The following ZNF155 variants were observed in gnomAD, a reference collection of about 807,000 sequenced individuals.
ZNF155 encodes KRAB A domain.
A neutral mutation model predicts 11.9 loss-of-function variants in ZNF155; 15 were observed. The ratio of observed to expected loss-of-function variants is 1.26; its 90% CI spans 0.84 to 1.94. ZNF155 has a LOEUF of 1.94. Among genes scored for constraint, ZNF155 ranks in the 30% most tolerant of loss-of-function variants. The pLI is 0.00. For missense variants in ZNF155, 602 were observed against 639.1 expected, an observed-to-expected ratio of 0.94 and a Z score of 0.63; for synonymous variants, 212 against 219.9, an observed-to-expected ratio of 0.96 and a Z score of 0.32.
At chr19:43,995,589 G>A (rs1309341668) in intron 4 of ZNF155, among the ~76,000 whole-genome samples, 1 of 151,882 alleles carries the variant, frequency 6.6e-6, no homozygotes, top group African/African-American at 2.4e-5. Flanking sequence ...TTGCTATATT[G>A]CCCAGGCTGG....
Position 43,996,272 on chromosome 19 carries a change from C to T in ZNF155, c.415C>T (p.Pro139Ser). 6.2e-7 allele frequency: 1 copy of T among 1,614,128 alleles called. No individual in the cohort carries two copies. The highest frequency in any genetic ancestry group is 8.5e-7 in the Non-Finnish European group (1 of 1,180,002). The change falls in exon 5 of 5, where the codon CCC (proline) becomes TCC (serine). Residue 139 changes from proline (P) to serine (S), a missense_variant. Physicochemically the swap from Pro to Ser is moderately conservative, Grantham distance 74 (BLOSUM62 -1). Transcript: ENST00000270014. ...DVPSQVEAGL[P>S]TIHTGQKPSQ... is the part of the protein sequence containing the mutation. Reference sequence around the variant, plus strand: ...CCCCTCCCAGGTTGAAGCAGGACTACCCACAATTCATACAGGACAGAAACC... The same window carrying T: ...CCCCTCCCAGGTTGAAGCAGGACTATCCACAATTCATACAGGACAGAAACC...
intron 2 of ZNF155, among the ~76,000 whole-genome samples, chr19:43,989,519 C>T (rs1020676922): frequency 9.2e-5 from 14 of 152,234 alleles, no homozygotes; most frequent in Middle Eastern, 3.4e-3. Flanking sequence ...GTTAGCCATT[C>T]GGCTCAGGTG....
chr19:43,987,937 C>T (rs910687747), intron 1 of ZNF155, among the ~76,000 whole-genome samples: 8 of 152,132 alleles, frequency 5.3e-5, no homozygotes, highest in South Asian at 2.1e-4. Flanking sequence ...CATCATGATT[C>T]AGTTTAGACC....
rs965809220 is a variant in ZNF155 at position 43,998,095 on chromosome 19, G to T, written c.*621G>T. On this transcript the variant is annotated 3_prime_UTR_variant, in exon 5 of 5. Coordinates refer to ENST00000270014, the MANE Select transcript of ZNF155 (RefSeq NM_198089.3). ...CTCCTGATTGGTCCCGGGCCAAGCT[G>T]AATAGCCCTTATGAATCATCACTTC... 3.4e-5 allele frequency: 5 copies of T among 145,312 alleles called. No individual in the cohort carries two copies. Among genetic ancestry groups the T allele is most frequent in the Middle Eastern group, 3.3e-3 (1 of 302 alleles). 9.0% of individuals were successfully genotyped at this position (145,312 alleles called of 1,614,324 possible). A position where few individuals can be genotyped will look rare whatever the true frequency, so the allele number is the denominator to read the frequency against.
Position 43,991,849 on chromosome 19 carries a change from A to T in ZNF155, c.150A>T (p.Gln50His), listed in dbSNP as rs574505884. ...NFRNLLSVGH[Q>H]PFHQDTCHFL... ...GACCTTACCTATTCACAGGGCATCAACCGTTCCACCAAGATACTTGCCACT... is the reference window on the plus strand; with the variant it reads ...GACCTTACCTATTCACAGGGCATCATCCGTTCCACCAAGATACTTGCCACT... Residue 50 changes from glutamine to histidine, a missense_variant, in exon 4 of 5, where the codon CAA becomes CAT. Coordinates refer to ENST00000270014, the MANE Select transcript of ZNF155 (RefSeq NM_198089.3). The T allele has an allele frequency of 2.2e-5, 36 of 1,613,784 alleles. No homozygotes were observed. Among genetic ancestry groups the T allele is most frequent in the South Asian group, 2.2e-4 (20 of 91,044 alleles).
At position 43,988,548 on chromosome 19, in the gene ZNF155, C is replaced by T. The variant is rs756417379; in HGVS notation, c.5C>T (p.Thr2Ile). The part of the protein sequence containing the change: M[T>I]TFKEAVTFKD... ...TTCCCCAAAGTAGGAGGAAAAATGA[C>T]CACATTCAAGGTGAGGGGGGCGTGC... The change falls in exon 2 of 5, where the codon ACC becomes ATC. Residue 2 changes from threonine to isoleucine, a missense_variant. Thr to Ile is a moderately conservative substitution (Grantham distance 89, BLOSUM62 -1). Coordinates refer to ENST00000270014, the MANE Select transcript of ZNF155 (RefSeq NM_198089.3). 4.4e-6 allele frequency: 7 copies of T among 1,605,208 alleles called. No individual in the cohort carries two copies. The Admixed American group carries it at 8.4e-5, about 19-fold the overall frequency.
chr19:43,985,228 T>G (rs944242292), intron 1 of ZNF155, among the ~76,000 whole-genome samples: 2 of 151,712 alleles, frequency 1.3e-5, no homozygotes, highest in Non-Finnish European at 2.9e-5. Context: ...GCCCGGCTAA[T>G]TTTTGTATTT....
chr19:43,987,197 CAT>C (rs1334687281), intron 1 of ZNF155, among the ~76,000 whole-genome samples: 3 of 152,178 alleles, frequency 2.0e-5, no homozygotes, highest in East Asian at 1.9e-4. Flanking sequence ...CATGTTATCT[CAT>C]ATGTGGTTCC....
chr19:43,997,973 T>A lies in ZNF155; in HGVS notation c.*499T>A, dbSNP rs1396959055. 1 of 153,600 alleles carries A rather than the reference T, an allele frequency of 6.5e-6. No homozygotes were observed. The highest frequency in any genetic ancestry group is 1.4e-5 in the Non-Finnish European group (1 of 69,124). The allele number at this position is 153,600 out of a possible 1,614,324, so 9.5% of individuals were successfully genotyped here. On this transcript the variant is annotated 3_prime_UTR_variant, in exon 5 of 5. Transcript: ENST00000270014. ...AGTAGGTTCAGGTTGGCACTTTCTT[T>A]TGTGGAAAAGGAAAAGCCCAGCCTC...
rs1975962119 is a variant in ZNF155, at chr19:43,997,820, C to T, written c.*346C>T. The T allele has an allele frequency of 5.3e-6, 1 of 187,716 alleles. No homozygotes were observed. Among genetic ancestry groups the T allele is most frequent in the Admixed American group, 5.4e-5 (1 of 18,378 alleles). 11.6% of individuals were successfully genotyped at this position (187,716 alleles called of 1,614,324 possible). Reference sequence around the variant, plus strand: ...CCTCCAGCCCATTCAGGTAAAAACTCGCACAAACCTCCGGCTCACTCAGTT... The same window carrying T: ...CCTCCAGCCCATTCAGGTAAAAACTTGCACAAACCTCCGGCTCACTCAGTT... On this transcript the variant is annotated 3_prime_UTR_variant, in exon 5 of 5. Transcript: ENST00000270014.
At chr19:43,989,896 A>G in intron 2 of ZNF155, 1 of 476,022 alleles carries the variant, frequency 2.1e-6, no homozygotes, top group East Asian at 3.6e-5. Flanking sequence ...CCAAACAGAT[A>G]GGAACAAAGG....
chr19:43,993,806 G>T (rs1975744877), intron 4 of ZNF155, among the ~76,000 whole-genome samples: 3 of 152,162 alleles, frequency 2.0e-5, no homozygotes, highest in Admixed American at 2.0e-4. Flanking sequence ...TCCTTTCCAA[G>T]ATTCAACCTC....
At position 43,996,356 on chromosome 19, in the gene ZNF155, C is replaced by T. The variant is rs775679239; in HGVS notation, c.499C>T (p.Gln167Ter). ...ISDVPIFDLP[Q>*]QLYSEEKSYT... The stretch of plus-strand genomic sequence containing the variant: ...TGATGTTCCCATCTTTGATCTTCCT[C>T]AGCAGTTATACTCAGAAGAGAAGTC... The change falls in exon 5 of 5, where the codon CAG (glutamine) becomes TAG (stop). Residue 167 changes from glutamine to a stop codon, truncating the protein, a stop_gained. Coordinates refer to ENST00000270014, the MANE Select transcript of ZNF155 (RefSeq NM_198089.3). LOFTEE classifies it low-confidence loss of function (END_TRUNC). The T allele has an allele frequency of 3.1e-6, 5 of 1,614,094 alleles. No homozygotes were observed. The East Asian group carries it at 8.9e-5, about 29-fold the overall frequency.
rs780766732 is a variant in ZNF155, at chr19:43,997,201, G to A, written c.1344G>A (p.Arg448=). 4 of 1,614,070 alleles carry A rather than the reference G, an allele frequency of 2.5e-6. No homozygotes were observed. In the Admixed American group the frequency reaches 5.0e-5, roughly 20 times the overall value. ...VTKFNLDLHQ[R]VHTGERPYNC... ...AGTTTAATCTTGACTTGCACCAGAG[G>A]GTCCACACGGGAGAGAGACCTTATA... Residue 448 remains arginine, a synonymous_variant, in exon 5 of 5, where the codon AGG becomes AGA. Coordinates refer to ENST00000270014, the MANE Select transcript of ZNF155 (RefSeq NM_198089.3).
chr19:43,987,653 T>G (rs544279176), intron 1 of ZNF155, among the ~76,000 whole-genome samples: 2 of 152,288 alleles, frequency 1.3e-5, no homozygotes, highest in Admixed American at 1.3e-4. Flanking sequence ...AATTACCTTT[T>G]TAAAAGAAAT....
At position 43,984,212 on chromosome 19, in the gene ZNF155, G is replaced by A. The variant is rs1975349186; in HGVS notation, c.-119G>A. On this transcript the variant is annotated 5_prime_UTR_variant, in exon 1 of 5. Transcript: ENST00000270014. The stretch of plus-strand genomic sequence containing the variant: ...CATCGACACTTCCGGTCTCCGAGCA[G>A]GACACTGCTACTTAACAAGGTGGTT... 1 of 152,228 alleles carries A rather than the reference G, an allele frequency of 6.6e-6. No individual in the cohort carries two copies. The highest frequency in any genetic ancestry group is 2.4e-5 in the African/African-American group (1 of 41,568). The allele number at this position is 152,228 out of a possible 1,614,324, so 9.4% of individuals were successfully genotyped here. A position where few individuals can be genotyped will look rare whatever the true frequency, so the allele number is the denominator to read the frequency against.
At chr19:43,988,043 T>G (rs1458617777) in intron 1 of ZNF155, among the ~76,000 whole-genome samples, 1 of 152,198 alleles carries the variant, frequency 6.6e-6, no homozygotes, top group African/African-American at 2.4e-5. Context: ...CTCAGCACTT[T>G]GGGAGGCCAA....
rs1048223330 is a variant in ZNF155, at chr19:43,997,527, A to G, written c.*53A>G. The stretch of plus-strand genomic sequence containing the variant: ...CTATTTTAATGTGTGCATACAATTT[A>G]TAGTGATCCAATCAGTGTAATTGGT... On this transcript the variant is annotated 3_prime_UTR_variant, in exon 5 of 5. Transcript: ENST00000270014. 2.2e-6 allele frequency: 3 copies of G among 1,375,430 alleles called. No individual in the cohort carries two copies. The highest frequency in any genetic ancestry group is 2.9e-5 in the African/African-American group (2 of 68,738). 85.2% of individuals were successfully genotyped at this position (1,375,430 alleles called of 1,614,324 possible).
intron 1 of ZNF155, among the ~76,000 whole-genome samples, chr19:43,986,569 C>T (rs1218401894): frequency 1.3e-5 from 2 of 151,854 alleles, no homozygotes; most frequent in Admixed American, 1.3e-4. Flanking sequence ...CCTGCCCCAG[C>T]CTCCTGAGTA....
Sources: gnomAD v4.1 joint callset for allele counts (sites outside exome capture counted in the v4.1 genomes callset) on GRCh38, gnomAD v4.1.1 for gene constraint, MANE v1.5 for transcripts, NCBI Gene and HGNC (gene_info 2026-07-23, HGNC 2026-07-21) for gene names.